Variants in EDN1 observed in about 807,000 individuals in gnomAD.
EDN1 encodes endothelin 1, also known as endothelin-1.
In EDN1, 11 loss-of-function variants were observed where a neutral mutation model predicts 21.7. The ratio of observed to expected loss-of-function variants is 0.51; its 90% CI spans 0.32 to 0.84. EDN1 has a LOEUF of 0.84. Among genes scored for constraint, EDN1 ranks in the 40% least tolerant of loss-of-function variants. The pLI, the probability that EDN1 is intolerant of heterozygous loss-of-function variation, is 0.03. For missense variants in EDN1, 244 were observed against 262.3 expected (o/e 0.93, Z 0.48); for synonymous variants, 85 against 90.6 (o/e 0.94, Z 0.35).
chr6:12,277,072 A>G, the EDN1 span, among the ~76,000 whole-genome samples: 1 of 152,178 alleles, frequency 6.6e-6, no homozygotes. Context: ...TTCTCTTCCC[A>G]TGAAGCATTT....
At chr6:12,250,392 C>T in the EDN1 span, among the ~76,000 whole-genome samples, 4 of 152,126 alleles carry the variant, frequency 2.6e-5, no homozygotes, top group African/African-American at 9.7e-5. Flanking sequence ...AAAGGTTTTG[C>T]AGGATAATTG....
chr6:12,254,632 A>T, the EDN1 span, among the ~76,000 whole-genome samples: 13 of 152,226 alleles, frequency 8.5e-5, no homozygotes, highest in African/African-American at 3.1e-4. Context: ...GAGAAAAATA[A>T]GCCAAAAGAA....
chr6:12,294,766 C>A (rs991625424), intron 4 of EDN1, among the ~76,000 whole-genome samples: 1 of 152,108 alleles, frequency 6.6e-6, no homozygotes, highest in Non-Finnish European at 1.5e-5. Flanking sequence ...AATCGAAAAT[C>A]ATTTTGGGGA....
At position 12,290,554 on chromosome 6, in the gene EDN1, G is replaced by A. The variant is rs1762647812; in HGVS notation, c.-76G>A. ...ATCTGAGGAACCCGCAGCGCTTTGAGGGACCTGAAGCTGTTTTTCTTCGTT... is the reference window on the plus strand; with the variant it reads ...ATCTGAGGAACCCGCAGCGCTTTGAAGGACCTGAAGCTGTTTTTCTTCGTT... On this transcript the variant is annotated 5_prime_UTR_variant, in exon 1 of 5. Coordinates refer to ENST00000379375, the MANE Select transcript of EDN1 (RefSeq NM_001955.5). 1.6e-6 allele frequency: 2 copies of A among 1,242,768 alleles called. No homozygotes were observed. Among genetic ancestry groups the A allele is most frequent in the African/African-American group, 1.5e-5 (1 of 67,514 alleles). The allele number at this position is 1,242,768 out of a possible 1,614,324, so 77.0% of individuals were successfully genotyped here. A position where few individuals can be genotyped will look rare whatever the true frequency, so the allele number is the denominator to read the frequency against.
the EDN1 span, among the ~76,000 whole-genome samples, chr6:12,273,429 T>A: frequency 4.5e-4 from 69 of 152,250 alleles, no homozygotes; most frequent in African/African-American, 1.7e-3. Flanking sequence ...AAAATTTTAA[T>A]AAGGCAATGA....
At position 12,294,412 on chromosome 6, in the gene EDN1, G is replaced by A. The variant is rs958400651; in HGVS notation, c.533+8G>A. 6.8e-6 allele frequency: 11 copies of A among 1,613,992 alleles called. No individual in the cohort carries two copies. The highest frequency in any genetic ancestry group is 9.3e-6 in the Non-Finnish European group (11 of 1,179,990). On this transcript the variant is annotated splice_region_variant and intron_variant, in intron 4 of 4. Coordinates refer to ENST00000379375, the MANE Select transcript of EDN1 (RefSeq NM_001955.5). Reference sequence around the variant, plus strand: ...ACACCTAAGACAAACCAGGTAAGAGGGAAGGAAGAAAAATTAGGTAAGAGG... The same window carrying A: ...ACACCTAAGACAAACCAGGTAAGAGAGAAGGAAGAAAAATTAGGTAAGAGG...
At chr6:12,295,843 T>A in intron 4 of EDN1, 119 bp from the exon 5 acceptor site, 1 of 924,152 alleles carries the variant, frequency 1.1e-6, no homozygotes, top group Non-Finnish European at 1.6e-6. Flanking sequence ...CGGCGGGTGG[T>A]GAAAGTTCAC....
At chr6:12,243,049 A>G in the EDN1 span, among the ~76,000 whole-genome samples, 1 of 152,176 alleles carries the variant, frequency 6.6e-6, no homozygotes, top group African/African-American at 2.4e-5. Context: ...TGATTCCCCA[A>G]AAACTTAACT....
chr6:12,296,237 C>G lies in EDN1; in HGVS notation c.*170C>G. 1.6e-6 allele frequency: 1 copy of G among 642,116 alleles called. No individual in the cohort carries two copies. Among genetic ancestry groups the G allele is most frequent in the Non-Finnish European group, 2.8e-6 (1 of 354,004 alleles). 39.8% of individuals were successfully genotyped at this position (642,116 alleles called of 1,614,324 possible). A position where few individuals can be genotyped will look rare whatever the true frequency, so the allele number is the denominator to read the frequency against. Reference sequence around the variant, plus strand: ...ATTCCAAGAAAGGTTAAGGAGTTCCCCCAACCATCTTCACTGGCTTCCATC... The same window carrying G: ...ATTCCAAGAAAGGTTAAGGAGTTCCGCCAACCATCTTCACTGGCTTCCATC... On this transcript the variant is annotated 3_prime_UTR_variant, in exon 5 of 5. Coordinates refer to ENST00000379375, the MANE Select transcript of EDN1 (RefSeq NM_001955.5).
chr6:12,287,706 TCTCTCTCA>T (rs1398169209), upstream of EDN1, among the ~76,000 whole-genome samples: 12 of 76,090 alleles, frequency 1.6e-4, no homozygotes, highest in Admixed American at 3.8e-4. Flanking sequence ...TCTCTCTCTC[TCTCTCTCA>T]CACACACACA....
chr6:12,289,521 T>A (rs1169947523), upstream of EDN1, among the ~76,000 whole-genome samples: 1 of 152,178 alleles, frequency 6.6e-6, no homozygotes, highest in Non-Finnish European at 1.5e-5. Flanking sequence ...CATCTCCCCC[T>A]GGTGTTCTTC....
the EDN1 span, among the ~76,000 whole-genome samples, chr6:12,242,795 G>T: frequency 2.0e-5 from 3 of 152,124 alleles, no homozygotes; most frequent in African/African-American, 7.2e-5. Flanking sequence ...CTCATGGCCT[G>T]TATATAATAT....
At chr6:12,257,881 G>A in the EDN1 span, among the ~76,000 whole-genome samples, 10 of 152,230 alleles carry the variant, frequency 6.6e-5, no homozygotes, top group East Asian at 3.9e-4. Flanking sequence ...AGTCCCAGTC[G>A]TCCCAGTCTA....
the EDN1 span, among the ~76,000 whole-genome samples, chr6:12,268,220 A>G: frequency 6.6e-6 from 1 of 152,068 alleles, no homozygotes; most frequent in Admixed American, 6.6e-5. Flanking sequence ...AATTTAAGAA[A>G]CTCATTTTAT....
rs777792460 is a variant in EDN1, at chr6:12,292,487, A to G, written c.211A>G (p.Ile71Val). The G allele has an allele frequency of 1.1e-5, 18 of 1,614,136 alleles. No individual in the cohort carries two copies. Among genetic ancestry groups the G allele is most frequent in the Non-Finnish European group, 1.5e-5 (18 of 1,180,034 alleles). The stretch of plus-strand genomic sequence containing the variant: ...GTGTGTCTACTTCTGCCACCTGGAC[A>G]TCATTTGGGTCAACACTCCCGAGTA... ...KECVYFCHLD[I>V]IWVNTPEHVV... The change falls in exon 2 of 5, where the codon ATC (isoleucine) becomes GTC (valine). Residue 71 changes from isoleucine (I) to valine (V), a missense_variant. Coordinates refer to ENST00000379375, the MANE Select transcript of EDN1 (RefSeq NM_001955.5).
At chr6:12,249,101 G>A in the EDN1 span, among the ~76,000 whole-genome samples, 2 of 152,174 alleles carry the variant, frequency 1.3e-5, no homozygotes, top group Non-Finnish European at 2.9e-5. Flanking sequence ...CATCTGAAGA[G>A]CTTGTTAAGA....
the EDN1 span, among the ~76,000 whole-genome samples, chr6:12,244,539 C>A: frequency 6.6e-6 from 1 of 152,276 alleles, no homozygotes; most frequent in South Asian, 2.1e-4. Context: ...TCTATTTAGT[C>A]TCAAGAAAAA....
chr6:12,258,448 T>TAAAAAAAAAAAAAAAAAAAAAAAA, the EDN1 span, among the ~76,000 whole-genome samples: 1 of 27,734 alleles, frequency 3.6e-5, no homozygotes, highest in African/African-American at 6.8e-5. Context: ...AGATCATGTC[T>TAAAAAAAAAAAAAAAAAAAAAAAA]CAAAAAAAAA....
At chr6:12,238,365 C>T in the EDN1 span, among the ~76,000 whole-genome samples, 1 of 152,082 alleles carries the variant, frequency 6.6e-6, no homozygotes, top group Non-Finnish European at 1.5e-5. Flanking sequence ...TTCTCAAGTC[C>T]TGCGTCATGG....
Sources: gnomAD v4.1 joint callset for allele counts (sites outside exome capture counted in the v4.1 genomes callset) on GRCh38, gnomAD v4.1.1 for gene constraint, MANE v1.5 for transcripts, NCBI Gene and HGNC (gene_info 2026-07-23, HGNC 2026-07-21) for gene names.